The following GNL3L variants were observed in gnomAD, a reference collection of about 807,000 sequenced individuals.
The protein encoded by GNL3L is G protein nucleolar 3 like.
A neutral mutation model predicts 42.9 loss-of-function variants in GNL3L; 4 were observed. That is an observed-to-expected ratio of 0.09 (90% CI 0.05 to 0.21). The LOEUF (loss-of-function observed/expected upper bound fraction) is 0.21. Ranked by LOEUF, GNL3L falls within the 10% of genes least tolerant of loss-of-function variation. The pLI is 1.00. For synonymous variants in GNL3L, 159 were observed against 176.3 expected (o/e 0.90, Z 0.78); for missense variants, 412 against 481.7 (o/e 0.86, Z 1.36).
rs1925330037 is a variant in GNL3L, at chrX:54,563,485, A to G, written c.*2883A>G. On this transcript the variant is annotated 3_prime_UTR_variant, in exon 16 of 16. Coordinates refer to ENST00000360845, the MANE Select transcript of GNL3L (RefSeq NM_001184819.2). ...ACAGAACTAAAGTAGTCATGTCGGTAAGAATTTGGGACTGCAGGCCAGTTA... is the reference window on the plus strand; with the variant it reads ...ACAGAACTAAAGTAGTCATGTCGGTGAGAATTTGGGACTGCAGGCCAGTTA... Among the ~76,000 whole-genome samples the G allele has an allele frequency of 8.9e-6, 1 of 111,804 alleles. No homozygotes were observed. Among genetic ancestry groups the G allele is most frequent in the East Asian group, 2.8e-4 (1 of 3,561 alleles).
At chrX:54,608,302 A>G (rs1602007490) in intron 16 of GNL3L, among the ~76,000 whole-genome samples, 2 of 111,728 alleles carry the variant, frequency 1.8e-5, no homozygotes, top group South Asian at 7.4e-4. Context: ...TTAAATTAAA[A>G]TTTTTTATTG....
rs1569542640 is a variant in GNL3L, at chrX:54,607,127, TTC to T, written c.*46-13716_*46-13715del. Among the ~76,000 whole-genome samples, 43 of 87,855 alleles carry T rather than the reference TTC, an allele frequency of 4.9e-4. 1 individual carries two copies. Among genetic ancestry groups the T allele is most frequent in the African/African-American group, 2.1e-3 (42 of 20,155 alleles). 76.3% of individuals were successfully genotyped at this position (87,855 alleles called of 115,157 possible). A position where few individuals can be genotyped will look rare whatever the true frequency, so the allele number is the denominator to read the frequency against. ...TTTCTTTCTTTCTTTCTTTCTTTCTTTCTTTCTTTCTTTGTCTCTCTCTCTCT... is the reference window on the plus strand; with the variant it reads ...TTTCTTTCTTTCTTTCTTTCTTTCTTTTTCTTTCTTTGTCTCTCTCTCTCT... On this transcript the variant is annotated intron_variant, in intron 16 of 16. Coordinates refer to the GNL3L transcript ENST00000674498.
chrX:54,583,249 A>G (rs1428822509), intron 16 of GNL3L, among the ~76,000 whole-genome samples: 3 of 110,112 alleles, frequency 2.7e-5, no homozygotes, highest in Non-Finnish European at 5.7e-5. Context: ...CGGGAGTGCA[A>G]TGGCATGATC....
At position 54,554,685 on chromosome X, in the gene GNL3L, T is replaced by C. The variant is rs371942313; in HGVS notation, c.1439T>C (p.Val480Ala). ...GATGCCATTGAAAATAAAACCACCG[T>C]GTATAAGGTACCTGTCATCTTTGTT... Reference protein sequence around the residue: ...IADAIENKTTVYKIGDLTGYC... With the variant: ...IADAIENKTTAYKIGDLTGYC... The change falls in exon 14 of 16, where the codon GTG becomes GCG. Residue 480 changes from valine to alanine, a missense_variant. Val to Ala is a moderately conservative substitution (Grantham distance 64). Transcript: ENST00000360845. 13 of 1,205,675 alleles carry C rather than the reference T, an allele frequency of 1.1e-5. No individual in the cohort carries two copies. In the African/African-American group the frequency reaches 2.3e-4, roughly 21 times the overall value.
chrX:54,637,547 G>T, the GNL3L span, among the ~76,000 whole-genome samples: 3 of 111,747 alleles, frequency 2.7e-5, no homozygotes, highest in Non-Finnish European at 5.6e-5. Context: ...TCCCAATACT[G>T]GTCTGTCATC....
chrX:54,580,734 A>G (rs1925703734), intron 16 of GNL3L, among the ~76,000 whole-genome samples: 1 of 111,866 alleles, frequency 8.9e-6, no homozygotes, highest in Admixed American at 9.5e-5. Context: ...TTTGATTTGC[A>G]TTTCTCTGAT....
At chrX:54,614,281 C>T (rs1282219435) in intron 16 of GNL3L, among the ~76,000 whole-genome samples, 1 of 111,518 alleles carries the variant, frequency 9.0e-6, no homozygotes, top group Non-Finnish European at 1.9e-5. Flanking sequence ...GCCCCCACAA[C>T]AGCCCCAAGT....
chrX:54,536,861 A>G (rs1342327252), intron 2 of GNL3L, among the ~76,000 whole-genome samples: 1 of 109,415 alleles, frequency 9.1e-6, no homozygotes. Context: ...AAAGGAAAGA[A>G]AGGAAAGAAA....
chrX:54,554,340 A>G (rs749894464), intron 13 of GNL3L, among the ~76,000 whole-genome samples: 2 of 111,772 alleles, frequency 1.8e-5, no homozygotes, highest in Non-Finnish European at 3.8e-5. Flanking sequence ...CCCATTTTCC[A>G]CATGAGGAAG....
the GNL3L span, among the ~76,000 whole-genome samples, chrX:54,635,967 T>C: frequency 9.0e-6 from 1 of 111,522 alleles, no homozygotes. Flanking sequence ...TGGCTTCTTT[T>C]GAATGTCCGA....
chrX:54,548,358 C>T lies in GNL3L; in HGVS notation c.760C>T (p.Arg254Cys), dbSNP rs145095477. Residue 254 changes from arginine (R) to cysteine (C), a missense_variant, in exon 9 of 16, where the codon CGT becomes TGT. Physicochemically the swap from Arg to Cys is radical, Grantham distance 180 (BLOSUM62 -3). Transcript: ENST00000360845. ...CCTTGGTGAAGTGCGCACCCACATT[C>T]GTGTGGGTGTTGTGGGTAAGACCTG... ...CRLGEVRTHI[R>C]VGVVGLPNVG... 72 of 1,199,636 alleles carry T rather than the reference C, an allele frequency of 6.0e-5. No individual in the cohort carries two copies. The African/African-American group carries it at 1.0e-3, about 17-fold the overall frequency.
chrX:54,533,568 T>G (rs1289415702), intron 2 of GNL3L, among the ~76,000 whole-genome samples: 3 of 111,036 alleles, frequency 2.7e-5, no homozygotes, highest in Non-Finnish European at 3.8e-5. Flanking sequence ...ATCATACTGT[T>G]AATACCAAAA....
chrX:54,639,731 C>CGGCA, the GNL3L span, among the ~76,000 whole-genome samples: 1 of 112,027 alleles, frequency 8.9e-6, no homozygotes, highest in Non-Finnish European at 1.9e-5. Context: ...CGCCCGCCTG[C>CGGCA]GGCAGGGGTG....
chrX:54,551,101 C>A (rs760113490), intron 10 of GNL3L, 51 bp downstream of exon 10: 2 of 653,224 alleles, frequency 3.1e-6, no homozygotes, highest in East Asian at 3.2e-5. Flanking sequence ...CCTACCATTT[C>A]CCCCCAACTC....
chrX:54,599,671 G>A (rs774958510), intron 16 of GNL3L, among the ~76,000 whole-genome samples: 7 of 110,605 alleles, frequency 6.3e-5, no homozygotes, highest in Non-Finnish European at 1.3e-4. Flanking sequence ...CCTTTCAGGA[G>A]TCTGATAACA....
At chrX:54,607,046 TTCTTTCTTTCTTTC>T (rs1569542587) in intron 16 of GNL3L, among the ~76,000 whole-genome samples, 15 of 71,233 alleles carry the variant, frequency 2.1e-4, no homozygotes, top group African/African-American at 1.2e-3. Context: ...CTTTCTTTCT[TTCTTTCTTTCTTTC>T]TTTCTTTCTT....
chrX:54,551,520 G>A (rs763417632), intron 10 of GNL3L, 48 bp from the exon 11 acceptor site: 16 of 1,108,075 alleles, frequency 1.4e-5, no homozygotes, highest in Non-Finnish European at 1.9e-5. Context: ...CGTGATTGGG[G>A]CCTCTACGAT....
chrX:54,591,592 CAAA>C (rs56034612), intron 16 of GNL3L, among the ~76,000 whole-genome samples: 1 of 62,320 alleles, frequency 1.6e-5, no homozygotes, highest in Non-Finnish European at 3.1e-5. Flanking sequence ...GACTTTGTCT[CAAA>C]AAAAAAAAAA....
At chrX:54,558,073 G>A (rs1281632562) in intron 14 of GNL3L, among the ~76,000 whole-genome samples, 2 of 110,269 alleles carry the variant, frequency 1.8e-5, no homozygotes, top group Admixed American at 1.9e-4. Context: ...TAGTAGAGAC[G>A]GGGTTTCATC....
Sources: allele counts gnomAD v4.1 joint callset (sites outside exome capture counted in the v4.1 genomes callset), GRCh38; gene constraint gnomAD v4.1.1; transcripts MANE v1.5; gene names NCBI Gene and HGNC (gene_info 2026-07-23, HGNC 2026-07-21).